SASH1: variants seen among roughly 807,000 people sequenced by gnomAD.
The protein encoded by SASH1 is SAM and SH3 domain-containing protein 1.
A neutral mutation model predicts 125.2 loss-of-function variants in SASH1; 44 were observed. That is an observed-to-expected ratio of 0.35 (90% CI 0.28 to 0.45). The LOEUF (loss-of-function observed/expected upper bound fraction) is 0.45, where lower values mean the gene tolerates loss of function less well. Ranked by LOEUF, SASH1 falls within the 20% of genes least tolerant of loss-of-function variation. The pLI is 1.00. For synonymous variants in SASH1, 639 were observed against 649.1 expected, an observed-to-expected ratio of 0.98 and a Z score of 0.24; for missense variants, 1,426 against 1,614.5, an observed-to-expected ratio of 0.88 and a Z score of 2.00.
At position 148,368,269 on chromosome 6, in the gene SASH1, GCT is replaced by G. The variant is rs545195480; in HGVS notation, c.157-21860_157-21859del. ...AGGAATGGATTTGAAGCCAGGATCT[GCT>G]CTCTTTTTTCTTTTTTTGTTTTTTA... On this transcript the variant is annotated intron_variant, in intron 1 of 19. Coordinates refer to ENST00000367467, the MANE Select transcript of SASH1 (RefSeq NM_015278.5). Among the ~76,000 whole-genome samples, 723 of 150,558 alleles carry G rather than the reference GCT, an allele frequency of 4.8e-3. 8 individuals carry two copies. The highest frequency in any genetic ancestry group is 0.016 in the African/African-American group (643 of 39,938).
At chr6:148,398,690 G>GT (rs1784050050) in intron 2 of SASH1, among the ~76,000 whole-genome samples, 1 of 152,058 alleles carries the variant, frequency 6.6e-6, no homozygotes, top group Admixed American at 6.6e-5. Context: ...TTTTTGTTCT[G>GT]TTTCCTTTTG....
At chr6:148,349,173 A>G (rs1020174034) in intron 1 of SASH1, among the ~76,000 whole-genome samples, 28 of 151,218 alleles carry the variant, frequency 1.9e-4, no homozygotes, top group African/African-American at 6.8e-4. Context: ...CACCGGTGAA[A>G]GAGGCCATTG....
Position 148,319,022 on chromosome 6 carries a change from CTTTTT to C in SASH1, n.74+46669_74+46673del, listed in dbSNP as rs10695657. 7.8e-3 allele frequency among the ~76,000 whole-genome samples: 520 copies of C among 66,568 alleles called. 1 individual carries two copies. Among genetic ancestry groups the C allele is most frequent in the African/African-American group, 0.03 (488 of 16,458 alleles). 43.7% of individuals were successfully genotyped at this position (66,568 alleles called of 152,430 possible). A position where few individuals can be genotyped will look rare whatever the true frequency, so the allele number is the denominator to read the frequency against. ...ATATGGAAGAAGCCGCATTTATCTTCTTTTTTTTTTTTTTTTTTTTTTTTTTTTGA... is the reference window on the plus strand; with the variant it reads ...ATATGGAAGAAGCCGCATTTATCTTCTTTTTTTTTTTTTTTTTTTTTTTGA... On this transcript the variant is annotated intron_variant and non_coding_transcript_variant, in intron 1 of 3. Transcript: ENST00000367469.
At chr6:148,450,562 A>G (rs1018426942) in intron 4 of SASH1, among the ~76,000 whole-genome samples, 4 of 151,852 alleles carry the variant, frequency 2.6e-5, no homozygotes, top group African/African-American at 9.7e-5. Flanking sequence ...AGCATTTTCC[A>G]TGGATCTGAT....
At chr6:148,205,522 G>A in the SASH1 span, among the ~76,000 whole-genome samples, 11 of 152,110 alleles carry the variant, frequency 7.2e-5, no homozygotes, top group Non-Finnish European at 1.5e-4. Flanking sequence ...AGGCCAAGTA[G>A]GTGTTTGTCT....
intron 2 of SASH1, among the ~76,000 whole-genome samples, chr6:148,421,622 T>C (rs879671037): frequency 6.6e-6 from 1 of 152,182 alleles, no homozygotes; most frequent in African/African-American, 2.4e-5. Context: ...TTATTAGATA[T>C]GAGTGTAGCA....
chr6:148,531,534 C>T lies in SASH1; in HGVS notation c.1437C>T (p.Gly479=). ...YSSSVSEQDS[G]LDGMPGSPPP... ...GTTGAAACCCATGGCAGGACTCGGG[C>T]CTTGATGGAATGCCTGGCTCCCCTC... The change falls in exon 13 of 20, where the codon GGC becomes GGT. Residue 479 remains glycine (G), a synonymous_variant. Transcript: ENST00000367467. 1 of 1,541,732 alleles carries T rather than the reference C, an allele frequency of 6.5e-7. No homozygotes were observed. The highest frequency in any genetic ancestry group is 8.8e-7 in the Non-Finnish European group (1 of 1,141,892).
chr6:148,288,690 TACACACAC>T (rs10606943), intron 1 of SASH1, among the ~76,000 whole-genome samples: 1 of 150,834 alleles, frequency 6.6e-6, no homozygotes, highest in South Asian at 2.1e-4. Context: ...CACGTGTATG[TACACACAC>T]ACACACACAC....
At chr6:148,297,642 A>G (rs1243673041) in intron 1 of SASH1, among the ~76,000 whole-genome samples, 2 of 152,162 alleles carry the variant, frequency 1.3e-5, no homozygotes, top group African/African-American at 4.8e-5. Flanking sequence ...AGCCTGGGCA[A>G]CACGATGAAA....
chr6:148,490,673 A>G (rs1319197322), intron 8 of SASH1, among the ~76,000 whole-genome samples: 3 of 152,152 alleles, frequency 2.0e-5, no homozygotes, highest in Non-Finnish European at 2.9e-5. Context: ...GTCTTTTCCT[A>G]TCTATGTTCC....
Position 148,440,239 on chromosome 6 carries a change from G to A in SASH1, c.336+5G>A. The A allele has an allele frequency of 4.3e-6, 7 of 1,613,972 alleles. No homozygotes were observed. The highest frequency in any genetic ancestry group is 5.9e-6 in the Non-Finnish European group (7 of 1,179,964). On this transcript the variant is annotated splice_donor_5th_base_variant and intron_variant, in intron 3 of 19. Coordinates refer to ENST00000367467, the MANE Select transcript of SASH1 (RefSeq NM_015278.5). ...CAGCTGCGGTCCCAGATCGAAGTAA[G>A]CACAATGACTTTAATCATCTAGTTT...
intron 1 of SASH1, among the ~76,000 whole-genome samples, chr6:148,379,241 G>C (rs1416201855): frequency 6.6e-6 from 1 of 152,088 alleles, no homozygotes; most frequent in African/African-American, 2.4e-5. Context: ...CCCCTGTCCT[G>C]CCACACCTCT....
At chr6:148,317,291 G>T (rs1332996342) in intron 1 of SASH1, among the ~76,000 whole-genome samples, 1 of 152,178 alleles carries the variant, frequency 6.6e-6, no homozygotes. Context: ...AAGAGCTCTT[G>T]TTCATCTGTG....
the SASH1 span, among the ~76,000 whole-genome samples, chr6:148,250,028 T>G: frequency 1.3e-5 from 2 of 152,168 alleles, no homozygotes; most frequent in African/African-American, 2.4e-5. Flanking sequence ...CAGAATTAAC[T>G]GAGGGTTAAA....
At chr6:148,380,205 A>C (rs1783078740) in intron 1 of SASH1, among the ~76,000 whole-genome samples, 1 of 152,196 alleles carries the variant, frequency 6.6e-6, no homozygotes, top group South Asian at 2.1e-4. Context: ...GCCAGAGTCA[A>C]GCTCAGTCTC....
chr6:148,402,797 G>C (rs1475600968), intron 2 of SASH1, among the ~76,000 whole-genome samples: 1 of 150,668 alleles, frequency 6.6e-6, no homozygotes, highest in East Asian at 2.0e-4. Context: ...TTTTAGTAGA[G>C]ACAGGGTTTC....
intron 2 of SASH1, among the ~76,000 whole-genome samples, chr6:148,438,555 C>T (rs973253991): frequency 6.6e-6 from 1 of 152,000 alleles, no homozygotes; most frequent in Non-Finnish European, 1.5e-5. Flanking sequence ...GGAGGTTTTA[C>T]GCCACTGTGA....
the SASH1 span, among the ~76,000 whole-genome samples, chr6:148,206,793 G>GCGCACA: frequency 8.7e-3 from 1,169 of 134,564 alleles, 8 homozygotes; most frequent in African/African-American, 0.015. Context: ...CCATCTCAAA[G>GCGCACA]CACACACACA....
chr6:148,483,734 A>G (rs574839571), intron 7 of SASH1, among the ~76,000 whole-genome samples: 50 of 152,246 alleles, frequency 3.3e-4, no homozygotes, highest in Non-Finnish European at 6.9e-4. Flanking sequence ...AGAGCAGGGT[A>G]TGTGAATTTA....
Sources: gnomAD v4.1 joint callset for allele counts (sites outside exome capture counted in the v4.1 genomes callset) on GRCh38, gnomAD v4.1.1 for gene constraint, MANE v1.5 for transcripts, NCBI Gene and HGNC (gene_info 2026-07-23, HGNC 2026-07-21) for gene names.